The following VPS13B variants were observed in gnomAD, a reference collection of about 807,000 sequenced individuals.
VPS13B encodes the protein intermembrane lipid transfer protein VPS13B.
VPS13B carries 285 observed loss-of-function variants against 426.4 expected under a neutral mutation model. That is an observed-to-expected ratio of 0.67 (90% CI 0.61 to 0.74). The LOEUF is 0.74. VPS13B is among the 30% of genes least tolerant of loss of function. VPS13B has a pLI of 0.00. For synonymous variants in VPS13B, 1,676 were observed against 1,676.4 expected, an observed-to-expected ratio of 1.00 and a Z score of 0.01; for missense variants, 4,537 against 4,782.6, an observed-to-expected ratio of 0.95 and a Z score of 1.51.
intron 19 of VPS13B, among the ~76,000 whole-genome samples, chr8:99,335,830 G>A (rs1439082311): frequency 6.6e-6 from 1 of 152,096 alleles, no homozygotes; most frequent in Non-Finnish European, 1.5e-5. Context: ...CCTCTTCAAG[G>A]AGAACTACAA....
intron 23 of VPS13B, among the ~76,000 whole-genome samples, chr8:99,443,431 T>A (rs1817769334): frequency 6.6e-6 from 1 of 152,188 alleles, no homozygotes; most frequent in Non-Finnish European, 1.5e-5. Context: ...TCTCCTTTTC[T>A]CTATACTGAA....
chr8:99,181,657 C>G (rs1812953195), intron 16 of VPS13B, among the ~76,000 whole-genome samples: 2 of 152,124 alleles, frequency 1.3e-5, no homozygotes, highest in Non-Finnish European at 2.9e-5. Context: ...ATTACTATTG[C>G]ATATTTACTT....
intron 13 of VPS13B, among the ~76,000 whole-genome samples, chr8:99,147,583 A>G (rs1250355908): frequency 1.3e-5 from 2 of 152,186 alleles, no homozygotes; most frequent in African/African-American, 4.8e-5. Context: ...TTACTCTTTT[A>G]AAGAAAGAAA....
intron 30 of VPS13B, among the ~76,000 whole-genome samples, chr8:99,525,970 T>A (rs1302857696): frequency 6.6e-6 from 1 of 152,148 alleles, no homozygotes; most frequent in Non-Finnish European, 1.5e-5. Flanking sequence ...AAGATCCATA[T>A]AGGTCGTTGT....
intron 2 of VPS13B, among the ~76,000 whole-genome samples, chr8:99,028,674 C>T (rs1587933658): frequency 9.1e-6 from 1 of 109,652 alleles, no homozygotes; most frequent in African/African-American, 3.3e-5. Context: ...GGGGGGCTGA[C>T]CCCCCCACCT....
chr8:99,266,526 C>A (rs1054747054), intron 17 of VPS13B, among the ~76,000 whole-genome samples: 2 of 151,998 alleles, frequency 1.3e-5, no homozygotes, highest in Non-Finnish European at 2.9e-5. Context: ...TGGCTGTGTC[C>A]CTGCACAGAT....
chr8:99,217,123 T>A (rs1396836003), intron 17 of VPS13B, among the ~76,000 whole-genome samples: 1 of 152,200 alleles, frequency 6.6e-6, no homozygotes, highest in Non-Finnish European at 1.5e-5. Context: ...ATTATGTAAG[T>A]AAATGATCAA....
At chr8:99,035,670 T>A (rs1842707766) in intron 2 of VPS13B, among the ~76,000 whole-genome samples, 1 of 152,232 alleles carries the variant, frequency 6.6e-6, no homozygotes, top group African/African-American at 2.4e-5. Flanking sequence ...TTCTTTTAAA[T>A]TATTTTGGGT....
intron 33 of VPS13B, among the ~76,000 whole-genome samples, chr8:99,603,902 G>A (rs1827441826): frequency 6.6e-6 from 1 of 152,198 alleles, no homozygotes; most frequent in African/African-American, 2.4e-5. Context: ...ACAGGTTTGA[G>A]ATGGGTGGCA....
chr8:99,336,699 G>A (rs1315198069), intron 19 of VPS13B, among the ~76,000 whole-genome samples: 9 of 152,114 alleles, frequency 5.9e-5, no homozygotes, highest in South Asian at 2.1e-4. Flanking sequence ...AAAAGTGGGT[G>A]AAGGATATGA....
intron 17 of VPS13B, among the ~76,000 whole-genome samples, chr8:99,216,180 T>C (rs954805062): frequency 6.6e-6 from 1 of 152,218 alleles, no homozygotes; most frequent in African/African-American, 2.4e-5. Flanking sequence ...CATCATGTGC[T>C]ACAATTGCTT....
chr8:99,022,291 T>C (rs1354895091), intron 2 of VPS13B, among the ~76,000 whole-genome samples: 1 of 151,906 alleles, frequency 6.6e-6, no homozygotes, highest in Non-Finnish European at 1.5e-5. Flanking sequence ...TATTTAGCAC[T>C]GTCATGTGGG....
rs146177891 is a variant in VPS13B, at chr8:99,418,530, CTTTCTTTTCT to C, written c.3083-12989_3083-12980del. Among the ~76,000 whole-genome samples the C allele has an allele frequency of 3.8e-3, 432 of 114,088 alleles. 1 individual carries two copies. The highest frequency in any genetic ancestry group is 0.019 in the Middle Eastern group (4 of 208). 74.8% of individuals were successfully genotyped at this position (114,088 alleles called of 152,430 possible). A position where few individuals can be genotyped will look rare whatever the true frequency, so the allele number is the denominator to read the frequency against. On this transcript the variant is annotated intron_variant, in intron 21 of 61. Transcript: ENST00000357162. ...TTCTTTCTTTCCTTTCTTTCTTTCT[CTTTCTTTTCT>C]TTTCTTTTCTTTTCTTTCATTTTTT...
At position 99,240,204 on chromosome 8, in the gene VPS13B, C is replaced by T. The variant is rs536341432; in HGVS notation, c.2516-33994C>T. Among the ~76,000 whole-genome samples, 5 of 152,272 alleles carry T rather than the reference C, an allele frequency of 3.3e-5. No homozygotes were observed. In the East Asian group the frequency reaches 9.6e-4, roughly 29 times the overall value. On this transcript the variant is annotated intron_variant, in intron 17 of 61. Transcript: ENST00000357162. ...ATTTTTTGGGGAAATGTGGTTAAAGCAGCCATAATTATCAACTGCTTGAAA... is the reference window on the plus strand; with the variant it reads ...ATTTTTTGGGGAAATGTGGTTAAAGTAGCCATAATTATCAACTGCTTGAAA...
intron 42 of VPS13B, among the ~76,000 whole-genome samples, chr8:99,782,604 C>A: frequency 6.6e-6 from 1 of 151,698 alleles, no homozygotes; most frequent in East Asian, 1.9e-4. Context: ...AGAGGGAAGG[C>A]TCTGAGGCAG....
chr8:99,188,977 G>C (rs767723899), intron 16 of VPS13B, among the ~76,000 whole-genome samples: 14 of 152,172 alleles, frequency 9.2e-5, no homozygotes, highest in Non-Finnish European at 2.1e-4. Context: ...TCGGCTCACT[G>C]CAAGCTCCGC....
chr8:99,811,456 C>CA (rs1413330916), intron 44 of VPS13B, among the ~76,000 whole-genome samples: 1 of 152,134 alleles, frequency 6.6e-6, no homozygotes, highest in Non-Finnish European at 1.5e-5. Context: ...TGTTAAAACA[C>CA]AGATTGCTGG....
intron 19 of VPS13B, among the ~76,000 whole-genome samples, chr8:99,360,131 T>C (rs1588290350): frequency 4.7e-5 from 1 of 21,200 alleles, no homozygotes; most frequent in Non-Finnish European, 8.7e-5. Context: ...TCTTTCTTTC[T>C]TTCTTTCTTT....
chr8:99,805,257 A>G (rs1164692721), intron 43 of VPS13B, among the ~76,000 whole-genome samples: 2 of 151,802 alleles, frequency 1.3e-5, no homozygotes, highest in South Asian at 2.1e-4. Flanking sequence ...AAAAAAATAC[A>G]CAAATGAGTG....
Sources: allele counts gnomAD v4.1 joint callset (sites outside exome capture counted in the v4.1 genomes callset), GRCh38; gene constraint gnomAD v4.1.1; transcripts MANE v1.5; gene names NCBI Gene and HGNC (gene_info 2026-07-23, HGNC 2026-07-21).